The following EHF variants were observed in gnomAD, a reference collection of about 807,000 sequenced individuals.
The protein encoded by EHF is ESE3 transcription factor.
A neutral mutation model predicts 45.1 loss-of-function variants in EHF; 14 were observed. The ratio of observed to expected loss-of-function variants is 0.31; its 90% CI spans 0.21 to 0.49. The LOEUF (loss-of-function observed/expected upper bound fraction) is 0.49. EHF is among the 20% of genes least tolerant of loss of function. EHF has a pLI of 0.99. For synonymous variants in EHF, 136 were observed against 131.8 expected (o/e 1.03, Z -0.22); for missense variants, 282 against 371.4 (o/e 0.76, Z 1.98).
chr11:34,643,068 A>G (rs2281911), intron 2 of EHF, among the ~76,000 whole-genome samples: 27,307 of 144,908 alleles, frequency 0.19, 2,675 homozygotes, highest in East Asian at 0.29. Flanking sequence ...GAGAAAGGGT[A>G]TGTGTGTGTG....
rs752776161 is a variant in EHF at position 34,658,928 on chromosome 11, C to T, written c.900C>T (p.Asn300=). The T allele has an allele frequency of 6.2e-7, 1 of 1,611,280 alleles. No homozygotes were observed. Residue 300 remains asparagine, a synonymous_variant, in exon 9 of 9, where the codon AAC becomes AAT. Coordinates refer to ENST00000257831, the MANE Select transcript of EHF (RefSeq NM_012153.6). ...CCCGAGGATGGAGAGAAAATGAAAA[C>T]TGAAGCTGCCAATACTTTGGACACA... ...KNARGWRENE[N]
chr11:34,635,468 T>TTTTTTTG (rs1853298435), intron 1 of EHF, among the ~76,000 whole-genome samples: 3 of 148,896 alleles, frequency 2.0e-5, no homozygotes, highest in Admixed American at 6.7e-5. Context: ...TTTTTTTTTT[T>TTTTTTTG]GAGATGGAGT....
chr11:34,626,056 T>A (rs2133975578), intron 1 of EHF, among the ~76,000 whole-genome samples: 1 of 152,372 alleles, frequency 6.6e-6, no homozygotes, highest in African/African-American at 2.4e-5. Flanking sequence ...TCATTAACCC[T>A]GTCATTTTAC....
chr11:34,623,968 C>T (rs1000273998), intron 1 of EHF, among the ~76,000 whole-genome samples: 5 of 152,154 alleles, frequency 3.3e-5, no homozygotes, highest in African/African-American at 7.2e-5. Flanking sequence ...CATCTCTATG[C>T]CCTTTCATAC....
At chr11:34,626,952 G>A (rs1245891993) in intron 1 of EHF, among the ~76,000 whole-genome samples, 2 of 152,198 alleles carry the variant, frequency 1.3e-5, no homozygotes, top group Non-Finnish European at 2.9e-5. Context: ...CTGTTGTAAA[G>A]ATTAAATTAA....
At chr11:34,645,073 G>T (rs569797957) in intron 2 of EHF, among the ~76,000 whole-genome samples, 1 of 152,190 alleles carries the variant, frequency 6.6e-6, no homozygotes, top group East Asian at 1.9e-4. Context: ...TTTGCCCCTT[G>T]CCCCTTTCAC....
intron 1 of EHF, chr11:34,632,458 C>A: frequency 6.7e-7 from 1 of 1,495,534 alleles, no homozygotes; most frequent in Non-Finnish European, 8.9e-7. Context: ...ATTCAGCCAT[C>A]CAGACAACCC....
intron 2 of EHF, among the ~76,000 whole-genome samples, chr11:34,643,719 C>G (rs1854247688): frequency 6.6e-6 from 1 of 152,232 alleles, no homozygotes; most frequent in African/African-American, 2.4e-5. Context: ...AACTGCTGCA[C>G]TTTCTGGGCA....
chr11:34,650,081 G>A (rs1239371512), intron 4 of EHF, among the ~76,000 whole-genome samples: 1 of 152,240 alleles, frequency 6.6e-6, no homozygotes. Flanking sequence ...GCCTGGCCTT[G>A]CCCTAGAGAT....
intron 6 of EHF, among the ~76,000 whole-genome samples, chr11:34,655,027 C>T (rs1201310998): frequency 6.6e-6 from 1 of 152,158 alleles, no homozygotes; most frequent in Non-Finnish European, 1.5e-5. Flanking sequence ...GGGTGGATGC[C>T]AGACCTGTCG....
intron 1 of EHF, among the ~76,000 whole-genome samples, chr11:34,623,595 G>A (rs1289153509): frequency 1.3e-5 from 2 of 152,184 alleles, no homozygotes; most frequent in East Asian, 3.8e-4. Context: ...AATGGAAACT[G>A]AGAGGTTAAA....
At chr11:34,632,525 C>T in intron 1 of EHF, 37 of 1,535,150 alleles carry the variant, frequency 2.4e-5, no homozygotes, top group Non-Finnish European at 3.1e-5. Context: ...CTTTGTGAAA[C>T]TCAGAAGCAT....
In EHF at chr11:34,659,144, G is replaced by A. The variant is rs1166205157; in HGVS notation, c.*213G>A. ...AGTATGTCCTATATGGGGAAAAAAC[G>A]TACACAGTTTTCTGTGAAATATGAT... On this transcript the variant is annotated 3_prime_UTR_variant, in exon 9 of 9. Coordinates refer to ENST00000257831, the MANE Select transcript of EHF (RefSeq NM_012153.6). 12 of 433,494 alleles carry A rather than the reference G, an allele frequency of 2.8e-5. No homozygotes were observed. Among genetic ancestry groups the A allele is most frequent in the South Asian group, 4.4e-5 (1 of 22,494 alleles). 26.9% of individuals were successfully genotyped at this position (433,494 alleles called of 1,614,324 possible). A position where few individuals can be genotyped will look rare whatever the true frequency, so the allele number is the denominator to read the frequency against.
At chr11:34,636,391 A>G (rs1270132975) in intron 1 of EHF, among the ~76,000 whole-genome samples, 1 of 152,176 alleles carries the variant, frequency 6.6e-6, no homozygotes, top group African/African-American at 2.4e-5. Flanking sequence ...GGGGCTCCCA[A>G]CCATGATCCT....
In EHF at chr11:34,651,824, T is replaced by C. The variant is rs1855199817; in HGVS notation, c.544+19T>C. On this transcript the variant is annotated intron_variant, in intron 6 of 8. Transcript: ENST00000257831. The stretch of plus-strand genomic sequence containing the variant: ...CCTGTTGGTAAGCTGTCATCACATC[T>C]GAGGCTGGGTATGCCTAATGCTTAG... The C allele has an allele frequency of 3.1e-6, 5 of 1,610,964 alleles. No homozygotes were observed. In the East Asian group the frequency reaches 1.1e-4, roughly 36 times the overall value.
At chr11:34,657,416 C>T (rs1855771342) in intron 7 of EHF, among the ~76,000 whole-genome samples, 1 of 152,162 alleles carries the variant, frequency 6.6e-6, no homozygotes, top group Non-Finnish European at 1.5e-5. Flanking sequence ...CAACACTGCT[C>T]TTTGGGAGTT....
chr11:34,643,706 C>G (rs1854246210), intron 2 of EHF, among the ~76,000 whole-genome samples: 1 of 152,212 alleles, frequency 6.6e-6, no homozygotes, highest in African/African-American at 2.4e-5. Context: ...ACCTGTCCCC[C>G]CAAACTGCTG....
At position 34,661,392 on chromosome 11, in the gene EHF, C is replaced by G. The variant is rs189639169; in HGVS notation, c.*2461C>G. Reference sequence around the variant, plus strand: ...CAAACCTGTAAGTTTCTCACTTCTTCCAAATTGGCTTTGGCTCTTTCTGCA... The same window carrying G: ...CAAACCTGTAAGTTTCTCACTTCTTGCAAATTGGCTTTGGCTCTTTCTGCA... On this transcript the variant is annotated 3_prime_UTR_variant, in exon 9 of 9. Transcript: ENST00000257831. Among the ~76,000 whole-genome samples, 1 of 152,266 alleles carries G rather than the reference C, an allele frequency of 6.6e-6. No homozygotes were observed. Among genetic ancestry groups the G allele is most frequent in the East Asian group, 1.9e-4 (1 of 5,176 alleles).
chr11:34,641,702 G>A (rs571894836), intron 1 of EHF, among the ~76,000 whole-genome samples: 109 of 152,282 alleles, frequency 7.2e-4, no homozygotes, highest in African/African-American at 2.3e-3. Context: ...CTGAACACAC[G>A]GTTGGGGATC....
Sources: gnomAD v4.1 joint callset for allele counts (sites outside exome capture counted in the v4.1 genomes callset) on GRCh38, gnomAD v4.1.1 for gene constraint, MANE v1.5 for transcripts, NCBI Gene and HGNC (gene_info 2026-07-23, HGNC 2026-07-21) for gene names.